ZPBP: variants seen among roughly 807,000 people sequenced by gnomAD.
ZPBP encodes zona pellucida-binding protein 1.
ZPBP carries 26 observed loss-of-function variants against 44.8 expected under a neutral mutation model. The ratio of observed to expected loss-of-function variants is 0.58; its 90% confidence interval spans 0.43 to 0.81. The LOEUF (loss-of-function observed/expected upper bound fraction) is 0.81. ZPBP is among the 30% of genes least tolerant of loss of function. The pLI, the probability that ZPBP is intolerant of heterozygous loss-of-function variation, is 0.00. For synonymous variants in ZPBP, 174 were observed against 153.2 expected (o/e 1.14, Z -1.00); for missense variants, 409 against 434.0 (o/e 0.94, Z 0.51).
chr7:50,000,199 T>C (rs1798033563), intron 6 of ZPBP, among the ~76,000 whole-genome samples: 1 of 152,178 alleles, frequency 6.6e-6, no homozygotes, highest in Non-Finnish European at 1.5e-5. Context: ...AATTTTAATA[T>C]TCTAATTTTA....
chr7:50,079,763 T>C (rs1204532716), intron 3 of ZPBP, among the ~76,000 whole-genome samples: 1 of 151,696 alleles, frequency 6.6e-6, no homozygotes, highest in African/African-American at 2.4e-5. Context: ...GTTAATAGCT[T>C]GATGTAGGAA....
At chr7:49,995,349 G>A (rs901567174) in intron 6 of ZPBP, among the ~76,000 whole-genome samples, 2 of 152,172 alleles carry the variant, frequency 1.3e-5, no homozygotes, top group Non-Finnish European at 2.9e-5. Flanking sequence ...TGCTTCTGGT[G>A]GGCCTTATGG....
chr7:50,033,426 G>A (rs1364363038), intron 4 of ZPBP, among the ~76,000 whole-genome samples: 1 of 151,994 alleles, frequency 6.6e-6, no homozygotes, highest in Non-Finnish European at 1.5e-5. Flanking sequence ...CTGTCTACAT[G>A]GTTCTTTACA....
At chr7:50,019,215 T>C (rs1373720711) in intron 5 of ZPBP, among the ~76,000 whole-genome samples, 1 of 152,098 alleles carries the variant, frequency 6.6e-6, no homozygotes, top group African/African-American at 2.4e-5. Context: ...CTCTATAATT[T>C]ATCTACCAAT....
intron 1 of ZPBP, among the ~76,000 whole-genome samples, chr7:50,090,984 T>A (rs1802964336): frequency 6.6e-6 from 1 of 152,122 alleles, no homozygotes; most frequent in Non-Finnish European, 1.5e-5. Flanking sequence ...ATTTTTTTTT[T>A]TATTTTTTGA....
intron 4 of ZPBP, among the ~76,000 whole-genome samples, chr7:50,051,815 T>A (rs2128825871): frequency 6.6e-6 from 1 of 151,768 alleles, no homozygotes; most frequent in Non-Finnish European, 1.5e-5. Context: ...GTCGGTGGTG[T>A]GAGGAGGAAG....
chr7:50,042,246 C>G (rs1033306600), intron 4 of ZPBP, among the ~76,000 whole-genome samples: 1 of 152,168 alleles, frequency 6.6e-6, no homozygotes, highest in Non-Finnish European at 1.5e-5. Context: ...TTGGAAAACA[C>G]TCTACAGGGA....
intron 2 of ZPBP, among the ~76,000 whole-genome samples, chr7:49,854,214 C>T (rs1790320733): frequency 6.6e-6 from 1 of 152,118 alleles, no homozygotes; most frequent in Non-Finnish European, 1.5e-5. Context: ...ATTTATAATC[C>T]TTTGGATATA....
At chr7:50,034,939 A>G (rs1470103613) in intron 4 of ZPBP, among the ~76,000 whole-genome samples, 1 of 152,234 alleles carries the variant, frequency 6.6e-6, no homozygotes, top group Non-Finnish European at 1.5e-5. Context: ...TGAGGATTGT[A>G]AGGTTAAAGA....
At chr7:49,852,896 G>A (rs1469088162) in intron 2 of ZPBP, among the ~76,000 whole-genome samples, 1 of 152,218 alleles carries the variant, frequency 6.6e-6, no homozygotes, top group East Asian at 1.9e-4. Context: ...TAAAGCCAGG[G>A]CACTCTGTGG....
At chr7:49,935,543 C>G (rs1794591919), downstream of ZPBP, among the ~76,000 whole-genome samples, 1 of 152,098 alleles carries the variant, frequency 6.6e-6, no homozygotes, top group Non-Finnish European at 1.5e-5. Flanking sequence ...GGACTACAGT[C>G]ACACACCACC....
At chr7:50,021,793 G>A (rs79485383) in intron 5 of ZPBP, among the ~76,000 whole-genome samples, 1,700 of 152,224 alleles carry the variant, frequency 0.011, 17 homozygotes, top group Non-Finnish European at 0.02. Flanking sequence ...TGCCCAAAGT[G>A]GGCATGTAAG....
intron 2 of ZPBP, among the ~76,000 whole-genome samples, chr7:49,876,226 C>A (rs746086539): frequency 6.6e-5 from 10 of 152,060 alleles, no homozygotes; most frequent in Admixed American, 4.6e-4. Flanking sequence ...TAGTAAGATA[C>A]CGAAATGTTT....
intron 7 of ZPBP, among the ~76,000 whole-genome samples, chr7:49,948,214 G>A (rs1466078641): frequency 6.6e-6 from 1 of 152,144 alleles, no homozygotes; most frequent in Non-Finnish European, 1.5e-5. Flanking sequence ...CCAAGCTAAT[G>A]CTTGATTCTT....
chr7:49,858,068 C>T (rs1319964667), intron 2 of ZPBP, among the ~76,000 whole-genome samples: 1 of 152,186 alleles, frequency 6.6e-6, no homozygotes, highest in Admixed American at 6.5e-5. Context: ...TGAGGAATCA[C>T]CACACTGACT....
chr7:49,889,761 T>C (rs1401354916), intron 2 of ZPBP, among the ~76,000 whole-genome samples: 1 of 152,162 alleles, frequency 6.6e-6, no homozygotes, highest in Non-Finnish European at 1.5e-5. Flanking sequence ...CAAACCTGAT[T>C]AACATATTTT....
chr7:49,846,694 C>A (rs1789956273), downstream of ZPBP, among the ~76,000 whole-genome samples: 2 of 152,116 alleles, frequency 1.3e-5, no homozygotes, highest in Non-Finnish European at 2.9e-5. Flanking sequence ...ATCCACTGTG[C>A]CTAAAGAGCA....
rs551751202 is a variant in ZPBP, at chr7:49,970,149, C to T, written c.961+13193G>A. 9.2e-5 allele frequency among the ~76,000 whole-genome samples: 14 copies of T among 152,262 alleles called. No individual in the cohort carries two copies. In the South Asian group the frequency reaches 2.7e-3, roughly 29 times the overall value. On this transcript the variant is annotated intron_variant, in intron 7 of 7. Transcript: ENST00000046087. ...GTTCTGGGATAACAGGTGTTAGCTA[C>T]ATGTCTGGCCTATGTTAATAAACTA... is the stretch of plus-strand genomic sequence containing the variant.
chr7:50,036,459 G>A (rs1262173002), intron 4 of ZPBP, among the ~76,000 whole-genome samples: 1 of 152,086 alleles, frequency 6.6e-6, no homozygotes, highest in Non-Finnish European at 1.5e-5. Flanking sequence ...CAATAAATAT[G>A]TTTAATTAGC....
Sources: allele counts gnomAD v4.1 joint callset (sites outside exome capture counted in the v4.1 genomes callset), GRCh38; gene constraint gnomAD v4.1.1; transcripts MANE v1.5; gene names NCBI Gene and HGNC (gene_info 2026-07-23, HGNC 2026-07-21).